The following UBR3 variants were observed in gnomAD, a reference collection of about 807,000 sequenced individuals.
The protein encoded by UBR3 is ubiquitin protein ligase E3 component n-recognin 3, also known as E3 ubiquitin-protein ligase UBR3.
A neutral mutation model predicts 243.2 loss-of-function variants in UBR3; 85 were observed. The ratio of observed to expected loss-of-function variants is 0.35; its 90% CI spans 0.29 to 0.42. The LOEUF (loss-of-function observed/expected upper bound fraction) is 0.42, where lower values mean the gene tolerates loss of function less well. Among genes scored for constraint, UBR3 ranks in the 10% least tolerant of loss-of-function variants. UBR3 has a pLI of 1.00. For synonymous variants in UBR3, 748 were observed against 799.8 expected (o/e 0.94, Z 1.09); for missense variants, 1,686 against 2,300.8 (o/e 0.73, Z 5.47).
At chr2:170,017,265 C>T (rs1440183646) in intron 30 of UBR3, among the ~76,000 whole-genome samples, 1 of 150,592 alleles carries the variant, frequency 6.6e-6, no homozygotes, top group Non-Finnish European at 1.5e-5. Flanking sequence ...TTTTCCTTTT[C>T]CCATTGATTG....
chr2:169,910,517 G>A (rs1362009824), intron 10 of UBR3, among the ~76,000 whole-genome samples: 3 of 152,080 alleles, frequency 2.0e-5, no homozygotes, highest in African/African-American at 7.2e-5. Flanking sequence ...CAGCTTTCAA[G>A]GCTAGAATTA....
chr2:169,838,531 G>C (rs886457990), intron 1 of UBR3, among the ~76,000 whole-genome samples: 1 of 151,748 alleles, frequency 6.6e-6, no homozygotes, highest in African/African-American at 2.4e-5. Context: ...TCCAGCACTT[G>C]CTTAAGGCAG....
At chr2:169,930,441 C>T (rs2086078379) in intron 18 of UBR3, among the ~76,000 whole-genome samples, 1 of 151,474 alleles carries the variant, frequency 6.6e-6, no homozygotes. Flanking sequence ...GGCTGGAGTG[C>T]AGTGGCGCCA....
Position 169,985,539 on chromosome 2 carries a change from A to G in UBR3, c.3635-1106A>G, listed in dbSNP as rs535255916. On this transcript the variant is annotated intron_variant, in intron 24 of 38. Coordinates refer to ENST00000272793, the MANE Select transcript of UBR3 (RefSeq NM_172070.4). ...AGCCACCATGCCCGGCCTCATATCA[A>G]CTCTTAATGGCTTCTGGTACTTTTT... Among the ~76,000 whole-genome samples, 15 of 151,010 alleles carry G rather than the reference A, an allele frequency of 9.9e-5. No individual in the cohort carries two copies. The East Asian group carries it at 2.7e-3, about 28-fold the overall frequency.
intron 32 of UBR3, among the ~76,000 whole-genome samples, chr2:170,045,161 C>T (rs761962568): frequency 6.6e-5 from 10 of 152,082 alleles, no homozygotes; most frequent in Non-Finnish European, 1.0e-4. Flanking sequence ...GCAAAAGGCA[C>T]GTCTTACATG....
In UBR3 at chr2:170,001,228, A is replaced by G. The variant is rs762640531; in HGVS notation, c.3919-76A>G. On this transcript the variant is annotated intron_variant, in intron 26 of 38. Coordinates refer to ENST00000272793, the MANE Select transcript of UBR3 (RefSeq NM_172070.4). Reference sequence around the variant, plus strand: ...AAAATAGGAAATCATGCAGAGGTTTATGTGGACATACTAATATTTAAATAT... The same window carrying G: ...AAAATAGGAAATCATGCAGAGGTTTGTGTGGACATACTAATATTTAAATAT... 53 of 1,024,900 alleles carry G rather than the reference A, an allele frequency of 5.2e-5. No individual in the cohort carries two copies. In the Middle Eastern group the frequency reaches 2.7e-3, roughly 51 times the overall value. The allele number at this position is 1,024,900 out of a possible 1,614,324, so 63.5% of individuals were successfully genotyped here. A position where few individuals can be genotyped will look rare whatever the true frequency, so the allele number is the denominator to read the frequency against.
intron 3 of UBR3, among the ~76,000 whole-genome samples, chr2:169,876,468 T>C (rs910604510): frequency 1.3e-5 from 2 of 152,122 alleles, no homozygotes; most frequent in African/African-American, 4.8e-5. Flanking sequence ...TATGTTGGAG[T>C]TGGTACTGGA....
Position 170,074,052 on chromosome 2 carries a change from G to A in UBR3, c.5199+445G>A, listed in dbSNP as rs1435605452. Among the ~76,000 whole-genome samples, 4 of 152,180 alleles carry A rather than the reference G, an allele frequency of 2.6e-5. No homozygotes were observed. In the South Asian group the frequency reaches 8.3e-4, roughly 31 times the overall value. On this transcript the variant is annotated intron_variant, in intron 36 of 38. Transcript: ENST00000272793. Reference sequence around the variant, plus strand: ...GTTAAAGGGTTTGTATTGAAGATAAGTAGAGTGGGAACAGCAGTGAGTGGC... The same window carrying A: ...GTTAAAGGGTTTGTATTGAAGATAAATAGAGTGGGAACAGCAGTGAGTGGC...
intron 1 of UBR3, among the ~76,000 whole-genome samples, chr2:169,840,643 G>A (rs1421778279): frequency 6.6e-6 from 1 of 152,100 alleles, no homozygotes. Flanking sequence ...CCCCCACCGC[G>A]GACACCACTA....
At chr2:169,928,973 G>T in intron 18 of UBR3, 105 bp downstream of exon 18, 2 of 1,048,206 alleles carry the variant, frequency 1.9e-6, no homozygotes, top group African/African-American at 1.6e-5. Context: ...TTCAAGCTTT[G>T]GTTTTCTTTT....
In UBR3 at chr2:169,906,141, C is replaced by G; in HGVS notation, c.1756C>G (p.Leu586Val). 6.5e-7 allele frequency: 1 copy of G among 1,546,878 alleles called. No homozygotes were observed. Among genetic ancestry groups the G allele is most frequent in the Non-Finnish European group, 8.7e-7 (1 of 1,145,632 alleles). The stretch of plus-strand genomic sequence containing the variant: ...GGCCTGTGCACAGCCAATGTGGGGG[C>G]TTTTATCACATTGTAAAGTTAGGGT... Reference protein sequence around the residue: ...LEACAQPMWGLLSHCKVRETQ... With the variant: ...LEACAQPMWGVLSHCKVRETQ... The change falls in exon 10 of 39, where the codon CTT becomes GTT. Residue 586 changes from leucine (L) to valine (V), a missense_variant. Physicochemically the swap from Leu to Val is conservative, Grantham distance 32. This residue lies in a region of UBR3 where 346 missense variants were observed against 585.8 expected (regional missense o/e 0.59). Coordinates refer to ENST00000272793, the MANE Select transcript of UBR3 (RefSeq NM_172070.4).
intron 35 of UBR3, among the ~76,000 whole-genome samples, chr2:170,065,317 C>CA (rs1416743901): frequency 3.9e-5 from 6 of 151,908 alleles, no homozygotes; most frequent in Non-Finnish European, 8.8e-5. Flanking sequence ...AAGACAGTCT[C>CA]ACTCTGTTGC....
chr2:169,878,630 T>C, intron 5 of UBR3, 56 bp downstream of exon 5: 2 of 1,390,250 alleles, frequency 1.4e-6, no homozygotes, highest in South Asian at 2.6e-5. Context: ...TTTTTTATAC[T>C]TTTTTATTAT....
intron 1 of UBR3, among the ~76,000 whole-genome samples, chr2:169,828,972 G>A (rs2105272736): frequency 1.3e-5 from 2 of 152,310 alleles, no homozygotes. Context: ...GGAACATGAT[G>A]TCAATGTCAG....
chr2:169,989,414 G>C (rs561328835), intron 25 of UBR3, among the ~76,000 whole-genome samples: 3 of 151,898 alleles, frequency 2.0e-5, no homozygotes, highest in African/African-American at 7.3e-5. Context: ...AAAGAAATTG[G>C]ATCATTGAAA....
intron 30 of UBR3, among the ~76,000 whole-genome samples, chr2:170,023,132 A>G (rs1453439627): frequency 6.6e-6 from 1 of 151,512 alleles, no homozygotes; most frequent in Admixed American, 6.6e-5. Context: ...TCATTTGGCT[A>G]GTTGAGTTTT....
intron 30 of UBR3, chr2:170,017,015 A>G (rs1322079085): frequency 3.1e-5 from 6 of 195,328 alleles, no homozygotes; most frequent in South Asian, 1.6e-4. Flanking sequence ...TCATATATAT[A>G]TATAGAATAT....
Position 169,827,502 on chromosome 2 carries a change from C to G in UBR3, c.-6C>G. On this transcript the variant is annotated 5_prime_UTR_variant, in exon 1 of 39. Transcript: ENST00000272793. ...CCCTGGACTCTCCAAATTCTGAGCT[C>G]TCATCATGGCGGCGGCGGCCGCGGC... 8.1e-7 allele frequency: 1 copy of G among 1,228,384 alleles called. No homozygotes were observed. The allele number at this position is 1,228,384 out of a possible 1,614,324, so 76.1% of individuals were successfully genotyped here.
chr2:169,951,384 G>A (rs559624471), intron 23 of UBR3, among the ~76,000 whole-genome samples: 3 of 152,094 alleles, frequency 2.0e-5, no homozygotes, highest in Non-Finnish European at 2.9e-5. Flanking sequence ...TGATTGATCC[G>A]TTTCTCATTC....
Sources: gnomAD v4.1 joint callset for allele counts (sites outside exome capture counted in the v4.1 genomes callset) on GRCh38, gnomAD v4.1.1 for gene constraint, gnomAD v4.1.1 regional missense constraint, MANE v1.5 for transcripts, NCBI Gene and HGNC (gene_info 2026-07-23, HGNC 2026-07-21) for gene names.